SMYD1: variants seen among roughly 807,000 people sequenced by gnomAD.
SMYD1 encodes histone-lysine N-methyltransferase SMYD1.
Under a neutral mutation model 54.0 loss-of-function variants are expected in SMYD1, and 49 were observed. The observed-to-expected ratio is 0.91, with a 90% CI of 0.72 to 1.15. The LOEUF is 1.15. SMYD1 is among the 50% of genes most tolerant of loss of function. The probability of loss-of-function intolerance (pLI) is 0.00; values close to 1 mark genes in which losing one functional copy is unlikely to be tolerated. For missense variants in SMYD1, 653 were observed against 639.6 expected (o/e 1.02, Z -0.23); for synonymous variants, 269 against 234.2 (o/e 1.15, Z -1.36).
intron 6 of SMYD1, among the ~76,000 whole-genome samples, chr2:88,099,440 C>T (rs1045502882): frequency 1.3e-5 from 2 of 152,094 alleles, no homozygotes; most frequent in African/African-American, 4.8e-5. Context: ...TAGGAATGTG[C>T]CAGGTCGGGT....
intron 1 of SMYD1, among the ~76,000 whole-genome samples, chr2:88,081,005 C>T (rs530820021): frequency 6.6e-5 from 10 of 151,594 alleles, no homozygotes; most frequent in South Asian, 6.3e-4. Flanking sequence ...CTGGTTCAAG[C>T]GATTCTCCTG....
At chr2:88,078,353 T>C (rs1356073048) in intron 1 of SMYD1, among the ~76,000 whole-genome samples, 1 of 152,218 alleles carries the variant, frequency 6.6e-6, no homozygotes, top group East Asian at 1.9e-4. Flanking sequence ...ATAGTAAGTA[T>C]ATTTCATTCA....
intron 5 of SMYD1, 47 bp from the exon 6 acceptor site, chr2:88,096,548 C>A: frequency 1.3e-6 from 2 of 1,520,434 alleles, no homozygotes; most frequent in South Asian, 1.2e-5. Context: ...GGATCCCATT[C>A]CAGTAGGCCT....
intron 5 of SMYD1, among the ~76,000 whole-genome samples, chr2:88,094,200 T>C (rs899198972): frequency 1.3e-5 from 2 of 152,212 alleles, no homozygotes; most frequent in African/African-American, 4.8e-5. Context: ...AAGTGGTTGG[T>C]GCACTTGAGT....
At position 88,097,631 on chromosome 2, in the gene SMYD1, C is replaced by T. The variant is rs182404303; in HGVS notation, c.888+847C>T. ...CGCTAGTCCTATTGGGTTAGGAGCC[C>T]ACTCTACTCCAGTATGATCTCACCT... On this transcript the variant is annotated intron_variant, in intron 6 of 9. Transcript: ENST00000419482. Among the ~76,000 whole-genome samples, 48 of 152,260 alleles carry T rather than the reference C, an allele frequency of 3.2e-4. 1 individual carries two copies. The highest frequency in any genetic ancestry group is 1.1e-3 in the African/African-American group (44 of 41,534).
chr2:88,093,853 G>A (rs1352937662), intron 5 of SMYD1, among the ~76,000 whole-genome samples: 1 of 152,054 alleles, frequency 6.6e-6, no homozygotes, highest in East Asian at 1.9e-4. Context: ...CTTAGCAAAA[G>A]CCTATCTTGT....
intron 9 of SMYD1, among the ~76,000 whole-genome samples, chr2:88,109,178 G>T (rs1448274253): frequency 6.6e-6 from 1 of 152,180 alleles, no homozygotes; most frequent in East Asian, 1.9e-4. Flanking sequence ...GCGAGCTAAT[G>T]GCAAAGCTAA....
intron 7 of SMYD1, among the ~76,000 whole-genome samples, chr2:88,105,380 C>T (rs80052471): frequency 6.1e-4 from 57 of 92,790 alleles, no homozygotes; most frequent in East Asian, 1.4e-3. Context: ...TGCATATATA[C>T]ACACACACAC....
intron 5 of SMYD1, among the ~76,000 whole-genome samples, chr2:88,095,474 C>T (rs1388816514): frequency 3.3e-5 from 5 of 152,216 alleles, no homozygotes; most frequent in Non-Finnish European, 5.9e-5. Flanking sequence ...CCTCAGACCA[C>T]AGGGAAGGGG....
intron 4 of SMYD1, 75 bp downstream of exon 4, chr2:88,091,217 G>C (rs1674455509): frequency 6.6e-7 from 1 of 1,508,952 alleles, no homozygotes; most frequent in Non-Finnish European, 9.0e-7. Context: ...CTTGACTTAA[G>C]CCAAAGTCAA....
chr2:88,097,434 T>A (rs756747613), intron 6 of SMYD1, among the ~76,000 whole-genome samples: 68 of 152,138 alleles, frequency 4.5e-4, no homozygotes, highest in Non-Finnish European at 9.0e-4. Context: ...AGAGCAGAAA[T>A]GAGAGTGAAG....
chr2:88,088,096 C>T (rs199847411), intron 3 of SMYD1, 21 bp downstream of exon 3: 1 of 1,591,440 alleles, frequency 6.3e-7, no homozygotes, highest in East Asian at 2.3e-5. Flanking sequence ...TGCGTCCCTT[C>T]TCCATCCTCC....
chr2:88,085,709 G>A (rs532744804), intron 2 of SMYD1, among the ~76,000 whole-genome samples: 3 of 152,162 alleles, frequency 2.0e-5, no homozygotes, highest in East Asian at 1.9e-4. Context: ...CCCTTTCCTC[G>A]GTATTTGGAG....
chr2:88,087,284 G>C (rs1474341249), intron 2 of SMYD1, among the ~76,000 whole-genome samples: 4 of 151,960 alleles, frequency 2.6e-5, no homozygotes, highest in East Asian at 3.9e-4. Context: ...TTAGACTCCT[G>C]ATGCAGGGCT....
In SMYD1 at chr2:88,088,058, T is replaced by C. The variant is rs1674380531; in HGVS notation, c.511T>C (p.Ser171Pro). The change falls in exon 3 of 10, where the codon TCG (serine) becomes CCG (proline). Residue 171 changes from serine (S) to proline (P), a missense_variant. Transcript: ENST00000419482. ...QSQQFSMQYISHIFGVINCNG... is the reference protein window; with the variant it reads ...QSQQFSMQYIPHIFGVINCNG... ...CCAGCAGTTCAGCATGCAGTACATC[T>C]CGCACATCTTCGGAGTGGTAGGCCC... is the stretch of plus-strand genomic sequence containing the variant. The C allele has an allele frequency of 3.7e-6, 6 of 1,613,728 alleles. No homozygotes were observed. The highest frequency in any genetic ancestry group is 5.1e-6 in the Non-Finnish European group (6 of 1,179,796).
intron 3 of SMYD1, among the ~76,000 whole-genome samples, chr2:88,090,478 G>A (rs914828389): frequency 1.6e-4 from 25 of 152,204 alleles, no homozygotes; most frequent in Admixed American, 1.4e-3. Flanking sequence ...AGAGATAAGT[G>A]TTAAATATGG....
rs1231233247 is a variant in SMYD1, at chr2:88,111,993, TC to T, written c.*1484del. The T allele has an allele frequency of 1.4e-6, 1 of 697,008 alleles. No homozygotes were observed. Among genetic ancestry groups the T allele is most frequent in the African/African-American group, 1.8e-5 (1 of 57,136 alleles). The allele number at this position is 697,008 out of a possible 1,614,324, so 43.2% of individuals were successfully genotyped here. A position where few individuals can be genotyped will look rare whatever the true frequency, so the allele number is the denominator to read the frequency against. On this transcript the variant is annotated 3_prime_UTR_variant, in exon 10 of 10. Coordinates refer to ENST00000419482, the MANE Select transcript of SMYD1 (RefSeq NM_198274.4). ...CCTCACCACATGATGACCTGCTGTG[TC>T]CCTCTGAGCACTACCCAGTGGCTGA...
At chr2:88,076,591 C>A (rs1305565503) in intron 1 of SMYD1, among the ~76,000 whole-genome samples, 2 of 151,874 alleles carry the variant, frequency 1.3e-5, no homozygotes, top group Non-Finnish European at 2.9e-5. Context: ...TAAATACTTG[C>A]AGAATGAAGC....
chr2:88,092,757 T>C (rs967391755), intron 4 of SMYD1, among the ~76,000 whole-genome samples: 2 of 152,248 alleles, frequency 1.3e-5, no homozygotes, highest in Non-Finnish European at 2.9e-5. Context: ...GAGCTTGACC[T>C]GGTTGGCAGA....
Sources: allele counts gnomAD v4.1 joint callset (sites outside exome capture counted in the v4.1 genomes callset), GRCh38; gene constraint gnomAD v4.1.1; transcripts MANE v1.5; gene names NCBI Gene and HGNC (gene_info 2026-07-23, HGNC 2026-07-21).